Variants in NDUFS1 observed in about 807,000 individuals in gnomAD.
The protein encoded by NDUFS1 is NADH-ubiquinone oxidoreductase 75 kDa subunit, mitochondrial.
Under a neutral mutation model 84.4 loss-of-function variants are expected in NDUFS1, and 61 were observed. The observed-to-expected ratio is 0.72, with a 90% CI of 0.59 to 0.89. The LOEUF (loss-of-function observed/expected upper bound fraction) is 0.89, where lower values mean the gene tolerates loss of function less well. Ranked by LOEUF, NDUFS1 falls within the 40% of genes least tolerant of loss-of-function variation. The pLI, the probability that NDUFS1 is intolerant of heterozygous loss-of-function variation, is 0.00. For synonymous variants in NDUFS1, 275 were observed against 290.0 expected (o/e 0.95, Z 0.53); for missense variants, 891 against 890.0 (o/e 1.00, Z -0.01).
At chr2:206,136,033 C>T (rs952045036) in intron 13 of NDUFS1, among the ~76,000 whole-genome samples, 2 of 142,120 alleles carry the variant, frequency 1.4e-5, no homozygotes, top group Admixed American at 1.4e-4. Context: ...ACTGCATCAG[C>T]TTTTTTTTTT....
At chr2:206,138,460 G>A (rs978083492) in intron 13 of NDUFS1, 25 bp downstream of exon 13, 8 of 1,605,630 alleles carry the variant, frequency 5.0e-6, no homozygotes, top group Non-Finnish European at 6.0e-6. Flanking sequence ...ATCAACAAGA[G>A]TAGATACACA....
intron 12 of NDUFS1, among the ~76,000 whole-genome samples, chr2:206,138,899 T>C (rs1691826508): frequency 6.6e-6 from 1 of 152,126 alleles, no homozygotes. Flanking sequence ...GGTGGATTAA[T>C]TGAGGTCAGG....
chr2:206,155,428 T>C (rs572776250), intron 1 of NDUFS1, among the ~76,000 whole-genome samples: 1 of 151,352 alleles, frequency 6.6e-6, no homozygotes, highest in East Asian at 2.0e-4. Context: ...TTATTTATTT[T>C]TGAGGCAGGG....
chr2:206,130,361 AT>A, intron 14 of NDUFS1, 119 bp from the exon 15 acceptor site: 1 of 1,314,594 alleles, frequency 7.6e-7, no homozygotes, highest in Non-Finnish European at 1.0e-6. Context: ...ATTTTATTTT[AT>A]TTTTTTCTCG....
intron 16 of NDUFS1, among the ~76,000 whole-genome samples, chr2:206,127,048 CA>C (rs1181802687): frequency 6.6e-6 from 1 of 152,168 alleles, no homozygotes; most frequent in Non-Finnish European, 1.5e-5. Flanking sequence ...GCTGTCAGTA[CA>C]TTAGTGACTC....
At chr2:206,140,333 A>G (rs1691887864) in intron 12 of NDUFS1, among the ~76,000 whole-genome samples, 1 of 152,052 alleles carries the variant, frequency 6.6e-6, no homozygotes, top group Non-Finnish European at 1.5e-5. Flanking sequence ...TGTGTGGCAG[A>G]GCAAGACCCC....
At chr2:206,128,695 C>G (rs1478534157) in intron 15 of NDUFS1, among the ~76,000 whole-genome samples, 1 of 151,508 alleles carries the variant, frequency 6.6e-6, no homozygotes, top group Non-Finnish European at 1.5e-5. Flanking sequence ...GCATGAGAAT[C>G]GTTTGAACCC....
At chr2:206,141,447 G>T (rs1488641091) in intron 12 of NDUFS1, among the ~76,000 whole-genome samples, 1 of 151,886 alleles carries the variant, frequency 6.6e-6, no homozygotes, top group Non-Finnish European at 1.5e-5. Flanking sequence ...CAGGAGAATG[G>T]CGTGAACCCG....
intron 13 of NDUFS1, among the ~76,000 whole-genome samples, chr2:206,133,635 C>T (rs1324028725): frequency 1.3e-5 from 2 of 152,046 alleles, no homozygotes; most frequent in Non-Finnish European, 2.9e-5. Flanking sequence ...GAGAATGCAT[C>T]CCAAGAGTAA....
intron 1 of NDUFS1, among the ~76,000 whole-genome samples, chr2:206,156,262 CAAA>C (rs577904073): frequency 0.1 from 9,772 of 93,918 alleles, 468 homozygotes; most frequent in Admixed American, 0.22. Context: ...CACTCTGTCT[CAAA>C]AAAAAAAAAA....
chr2:206,124,653 C>T (rs1691217390), intron 18 of NDUFS1, among the ~76,000 whole-genome samples: 1 of 152,018 alleles, frequency 6.6e-6, no homozygotes, highest in Non-Finnish European at 1.5e-5. Context: ...TCCTGGCTAA[C>T]ACAGTGAAAC....
chr2:206,146,233 T>C (rs1692149766), intron 8 of NDUFS1, among the ~76,000 whole-genome samples: 2 of 152,162 alleles, frequency 1.3e-5, no homozygotes, highest in South Asian at 4.1e-4. Context: ...TATTAAAATA[T>C]GTTGAAAGAA....
chr2:206,146,505 A>AT (rs1279435783), intron 8 of NDUFS1, among the ~76,000 whole-genome samples: 2 of 152,216 alleles, frequency 1.3e-5, no homozygotes, highest in Non-Finnish European at 2.9e-5. Context: ...AAACAGCAAT[A>AT]TTTTTTACAG....
intron 10 of NDUFS1, 21 bp from the exon 11 acceptor site, chr2:206,142,852 C>T: frequency 2.5e-6 from 4 of 1,613,854 alleles, no homozygotes; most frequent in Non-Finnish European, 3.4e-6. Context: ...ATGAAAAGGG[C>T]ATCACCAAGA....
At position 206,130,394 on chromosome 2, in the gene NDUFS1, G is replaced by A. The variant is rs10185164; in HGVS notation, c.1554-152C>T. The A allele has an allele frequency of 5.9e-3, 6,017 of 1,027,094 alleles. 252 individuals are homozygous for A. In the African/African-American group the frequency reaches 0.089, roughly 15 times the overall value. 63.6% of individuals were successfully genotyped at this position (1,027,094 alleles called of 1,614,324 possible). ...CTCGGCGATAGAGTCTCACTTTGTC[G>A]CCCAGGCTGGAGCGCAGTGGCGTGA... On this transcript the variant is annotated intron_variant, in intron 14 of 18. Coordinates refer to ENST00000233190, the MANE Select transcript of NDUFS1 (RefSeq NM_005006.7).
intron 5 of NDUFS1, 94 bp from the exon 6 acceptor site, chr2:206,147,928 T>C: frequency 1.6e-6 from 2 of 1,216,052 alleles, no homozygotes; most frequent in Admixed American, 1.7e-5. Context: ...ACTTTATTTT[T>C]TTTTTTTGAG....
rs372201030 is a variant in NDUFS1, at chr2:206,117,843, C to G, written c.*6342G>C. 2.0e-5 allele frequency: 3 copies of G among 152,134 alleles called. No individual in the cohort carries two copies. The highest frequency in any genetic ancestry group is 4.4e-5 in the Non-Finnish European group (3 of 68,032). The allele number at this position is 152,134 out of a possible 1,614,324, so 9.4% of individuals were successfully genotyped here. A position where few individuals can be genotyped will look rare whatever the true frequency, so the allele number is the denominator to read the frequency against. On this transcript the variant is annotated 3_prime_UTR_variant, in exon 19 of 19. Transcript: ENST00000233190. ...CCTCCATTTCCACAATTATAAAATGCAGGTATAATACTAAAATTTTTTTTT... is the reference window on the plus strand; with the variant it reads ...CCTCCATTTCCACAATTATAAAATGGAGGTATAATACTAAAATTTTTTTTT...
At position 206,142,977 on chromosome 2, in the gene NDUFS1, C is replaced by T. The variant is rs928793091; in HGVS notation, c.988-146G>A. The T allele has an allele frequency of 6.1e-6, 7 of 1,144,898 alleles. No individual in the cohort carries two copies. The African/African-American group carries it at 6.2e-5, about 10-fold the overall frequency. 70.9% of individuals were successfully genotyped at this position (1,144,898 alleles called of 1,614,324 possible). A position where few individuals can be genotyped will look rare whatever the true frequency, so the allele number is the denominator to read the frequency against. On this transcript the variant is annotated intron_variant, in intron 10 of 18. Coordinates refer to ENST00000233190, the MANE Select transcript of NDUFS1 (RefSeq NM_005006.7). ...TTAAAAGTTTTACAACATGCCCAGG[C>T]ACACTGGCTCATGCCTGTAATCCCA...
In NDUFS1 at chr2:206,116,911, A is replaced by T. The variant is rs1690960364; in HGVS notation, c.*7274T>A. ...GGCGCACACCTGTAATCCTAGCTAG[A>T]TCCTAGTAGATTGAGGCAGGAAAAC... is the stretch of plus-strand genomic sequence containing the variant. On this transcript the variant is annotated 3_prime_UTR_variant, in exon 19 of 19. Coordinates refer to ENST00000233190, the MANE Select transcript of NDUFS1 (RefSeq NM_005006.7). The T allele has an allele frequency of 6.5e-6, 1 of 153,412 alleles. No homozygotes were observed. Among genetic ancestry groups the T allele is most frequent in the African/African-American group, 2.4e-5 (1 of 41,406 alleles). The allele number at this position is 153,412 out of a possible 1,614,324, so 9.5% of individuals were successfully genotyped here. A position where few individuals can be genotyped will look rare whatever the true frequency, so the allele number is the denominator to read the frequency against.
Sources: allele counts gnomAD v4.1 joint callset (sites outside exome capture counted in the v4.1 genomes callset), GRCh38; gene constraint gnomAD v4.1.1; transcripts MANE v1.5; gene names NCBI Gene and HGNC (gene_info 2026-07-23, HGNC 2026-07-21).